HDX: variants seen among roughly 807,000 people sequenced by gnomAD.
HDX encodes chromosome X open reading frame 43.
Under a neutral mutation model 45.2 loss-of-function variants are expected in HDX, and 19 were observed. That is an observed-to-expected ratio of 0.42 (90% CI 0.29 to 0.62). The LOEUF (loss-of-function observed/expected upper bound fraction) is 0.62. Among genes scored for constraint, HDX ranks in the 20% least tolerant of loss-of-function variants. HDX has a pLI of 0.20. For missense variants in HDX, 532 were observed against 493.9 expected (o/e 1.08, Z -0.73); for synonymous variants, 188 against 172.8 (o/e 1.09, Z -0.69).
At chrX:84,436,391 A>G (rs757861878) in intron 5 of HDX, among the ~76,000 whole-genome samples, 1 of 109,930 alleles carries the variant, frequency 9.1e-6, no homozygotes, top group Non-Finnish European at 1.9e-5. Context: ...TTAAAGTATA[A>G]TAAAAAAAAA....
rs185037456 is a variant in HDX at position 84,496,227 on chromosome X, A to C, written c.-110+6115T>G. ...TTTGTCATACAATGTATAATGGAGAATGCTTAGATCGCATATTTCTTTACA... is the reference window on the plus strand; with the variant it reads ...TTTGTCATACAATGTATAATGGAGACTGCTTAGATCGCATATTTCTTTACA... On this transcript the variant is annotated intron_variant, in intron 1 of 10. Coordinates refer to ENST00000373177, the MANE Select transcript of HDX (RefSeq NM_001177479.2). Among the ~76,000 whole-genome samples, 4 of 112,051 alleles carry C rather than the reference A, an allele frequency of 3.6e-5. No homozygotes were observed. The East Asian group carries it at 1.1e-3, about 31-fold the overall frequency.
intron 4 of HDX, among the ~76,000 whole-genome samples, chrX:84,459,454 G>GA (rs919668372): frequency 9.4e-6 from 1 of 106,899 alleles, no homozygotes; most frequent in South Asian, 3.9e-4. Context: ...AAAAAAAAAA[G>GA]AAAAAAAGAA....
intron 1 of HDX, among the ~76,000 whole-genome samples, chrX:84,496,087 C>T (rs1049964707): frequency 2.7e-5 from 3 of 111,715 alleles, no homozygotes; most frequent in Non-Finnish European, 3.8e-5. Flanking sequence ...CCATTGCTGT[C>T]ACCAATGTGA....
At chrX:84,444,823 G>A (rs973141125) in intron 4 of HDX, among the ~76,000 whole-genome samples, 1 of 111,283 alleles carries the variant, frequency 9.0e-6, no homozygotes, top group Non-Finnish European at 1.9e-5. Context: ...TACATATCAA[G>A]ATATCAATTA....
At chrX:84,497,577 CTTTA>C (rs1227548177) in intron 1 of HDX, among the ~76,000 whole-genome samples, 11 of 109,761 alleles carry the variant, frequency 1.0e-4, no homozygotes, top group Non-Finnish European at 1.9e-4. Context: ...TAACTTCAGC[CTTTA>C]TTTATGTAAA....
intron 6 of HDX, among the ~76,000 whole-genome samples, chrX:84,350,408 T>C (rs2037318548): frequency 9.0e-6 from 1 of 111,311 alleles, no homozygotes; most frequent in Non-Finnish European, 1.9e-5. Context: ...GTAGCAGCTG[T>C]TGAGAGAAGG....
chrX:84,324,424 C>T (rs775456332), intron 10 of HDX, among the ~76,000 whole-genome samples: 1 of 111,202 alleles, frequency 9.0e-6, no homozygotes, highest in Admixed American at 9.6e-5. Context: ...GACTACTATT[C>T]GTGTCTTCTA....
At chrX:84,457,209 G>A (rs2040131029) in intron 4 of HDX, among the ~76,000 whole-genome samples, 1 of 110,856 alleles carries the variant, frequency 9.0e-6, no homozygotes. Context: ...AGTATTTAAT[G>A]GAATGCCATT....
rs374124506 is a variant in HDX at position 84,435,246 on chromosome X, T to G, written c.1305+5286A>C. ...TTTCTACTTACTTAAGAAAAATGCT[T>G]GCCATTCTAACTGGTGTGAGATGAT... On this transcript the variant is annotated intron_variant, in intron 5 of 10. Transcript: ENST00000373177. 1.1e-4 allele frequency among the ~76,000 whole-genome samples: 12 copies of G among 111,624 alleles called. No homozygotes were observed. The East Asian group carries it at 1.7e-3, about 16-fold the overall frequency.
At chrX:84,340,699 CTG>C (rs1215174219) in intron 7 of HDX, among the ~76,000 whole-genome samples, 1 of 110,843 alleles carries the variant, frequency 9.0e-6, no homozygotes, top group Non-Finnish European at 1.9e-5. Flanking sequence ...TAGTAGGAAA[CTG>C]TACCAAAAAG....
intron 5 of HDX, among the ~76,000 whole-genome samples, chrX:84,362,634 C>A (rs941593385): frequency 5.4e-5 from 6 of 110,207 alleles, no homozygotes; most frequent in African/African-American, 2.0e-4. Flanking sequence ...TGTTGCAATT[C>A]CTGGCTTGAG....
At chrX:84,435,869 G>C (rs1232512498) in intron 5 of HDX, among the ~76,000 whole-genome samples, 1 of 88,400 alleles carries the variant, frequency 1.1e-5, no homozygotes, top group Admixed American at 1.3e-4. Context: ...AGTCAGTGTG[G>C]CGATTCCTCA....
chrX:84,343,688 AACAT>A lies in HDX; in HGVS notation c.1660+558_1660+561del, dbSNP rs958264451. On this transcript the variant is annotated intron_variant, in intron 7 of 10. Transcript: ENST00000373177. The stretch of plus-strand genomic sequence containing the variant: ...CCTATCTATGCTTGAGGACAAATGA[AACAT>A]ACTTCTCATGGACAGATAGTATCAT... Among the ~76,000 whole-genome samples, 5 of 111,438 alleles carry A rather than the reference AACAT, an allele frequency of 4.5e-5. No homozygotes were observed. The South Asian group carries it at 1.5e-3, about 33-fold the overall frequency.
At chrX:84,444,325 A>G (rs1431764937) in intron 4 of HDX, among the ~76,000 whole-genome samples, 1 of 111,260 alleles carries the variant, frequency 9.0e-6, no homozygotes, top group East Asian at 2.8e-4. Flanking sequence ...AAACAGACGT[A>G]TGGTATGATC....
At chrX:84,388,736 T>C (rs1178691366) in intron 5 of HDX, among the ~76,000 whole-genome samples, 1 of 111,923 alleles carries the variant, frequency 8.9e-6, no homozygotes, top group Non-Finnish European at 1.9e-5. Flanking sequence ...TGGATAGGGT[T>C]TCAACTTTCT....
chrX:84,492,911 C>CTT lies in HDX; in HGVS notation c.-109-4781_-109-4780dup, dbSNP rs11390246. Among the ~76,000 whole-genome samples the CTT allele has an allele frequency of 1.4e-3, 140 of 96,598 alleles. 1 individual carries two copies. Among genetic ancestry groups the CTT allele is most frequent in the African/African-American group, 5.0e-3 (131 of 26,140 alleles). 83.9% of individuals were successfully genotyped at this position (96,598 alleles called of 115,157 possible). On this transcript the variant is annotated intron_variant, in intron 1 of 10. Transcript: ENST00000373177. ...AGTACAAATTTAATATTACAAAAAG[C>CTT]TTTTTTTTTTTTTTTTCTGAGATGG...
intron 2 of HDX, among the ~76,000 whole-genome samples, chrX:84,477,187 G>A (rs761379707): frequency 9.0e-6 from 1 of 111,536 alleles, no homozygotes; most frequent in East Asian, 2.8e-4. Flanking sequence ...ATCTGGTATG[G>A]ATTTAGAAGC....
intron 6 of HDX, among the ~76,000 whole-genome samples, chrX:84,360,213 T>A (rs768538054): frequency 9.0e-6 from 1 of 111,503 alleles, no homozygotes; most frequent in East Asian, 2.8e-4. Flanking sequence ...GAAATGCAAA[T>A]TAAAACCACA....
At chrX:84,346,494 A>G (rs1234892275) in intron 6 of HDX, among the ~76,000 whole-genome samples, 1 of 111,590 alleles carries the variant, frequency 9.0e-6, no homozygotes, top group East Asian at 2.8e-4. Context: ...TTATATACTT[A>G]CTGTAATCAA....
Sources: gnomAD v4.1 joint callset for allele counts (sites outside exome capture counted in the v4.1 genomes callset) on GRCh38, gnomAD v4.1.1 for gene constraint, MANE v1.5 for transcripts, NCBI Gene and HGNC (gene_info 2026-07-23, HGNC 2026-07-21) for gene names.